Variants in CNR1 observed in about 807,000 individuals in gnomAD.
CNR1 encodes the protein cannabinoid receptor 1 (brain).
A neutral mutation model predicts 23.0 loss-of-function variants in CNR1; 10 were observed. The ratio of observed to expected loss-of-function variants is 0.43; its 90% CI spans 0.27 to 0.74. CNR1 has a LOEUF of 0.74. Ranked by LOEUF, CNR1 falls within the 30% of genes least tolerant of loss-of-function variation. The probability of loss-of-function intolerance (pLI) is 0.19; values close to 1 mark genes in which losing one functional copy is unlikely to be tolerated. For synonymous variants in CNR1, 271 were observed against 255.2 expected (o/e 1.06, Z -0.59); for missense variants, 422 against 618.8 (o/e 0.68, Z 3.37).
Position 88,143,758 on chromosome 6 carries a change from A to G in CNR1, c.*98T>C, listed in dbSNP as rs1386323608. The G allele has an allele frequency of 7.1e-6, 6 of 850,860 alleles. No individual in the cohort carries two copies. Among genetic ancestry groups the G allele is most frequent in the Non-Finnish European group, 1.1e-5 (6 of 534,290 alleles). 52.7% of individuals were successfully genotyped at this position (850,860 alleles called of 1,614,324 possible). A position where few individuals can be genotyped will look rare whatever the true frequency, so the allele number is the denominator to read the frequency against. ...CAATCACCTTTTCATTGAGCATGGT[A>G]AAGTTAAAAAAATATAACCAAGGAG... On this transcript the variant is annotated 3_prime_UTR_variant, in exon 2 of 2. Coordinates refer to ENST00000369501, the MANE Select transcript of CNR1 (RefSeq NM_016083.6).
intron 1 of CNR1, among the ~76,000 whole-genome samples, chr6:88,147,397 G>A (rs1327814448): frequency 6.6e-6 from 1 of 152,202 alleles, no homozygotes; most frequent in Non-Finnish European, 1.5e-5. Context: ...CATGGGGAGA[G>A]CTACAATTGG....
In CNR1 at chr6:88,145,277, C is replaced by A. The variant is rs1031320460; in HGVS notation, c.-3G>T. On this transcript the variant is annotated 5_prime_UTR_variant, in exon 2 of 2. Coordinates refer to ENST00000369501, the MANE Select transcript of CNR1 (RefSeq NM_016083.6). Reference sequence around the variant, plus strand: ...AGGCCATCTAGGATCGACTTCATAACCTCAGTCTTTGATTAGGCTGAGCTC... The same window carrying A: ...AGGCCATCTAGGATCGACTTCATAAACTCAGTCTTTGATTAGGCTGAGCTC... The A allele has an allele frequency of 6.2e-7, 1 of 1,601,752 alleles. No individual in the cohort carries two copies. Among genetic ancestry groups the A allele is most frequent in the East Asian group, 2.2e-5 (1 of 44,708 alleles).
chr6:88,166,853 T>C (rs1388147057), upstream of CNR1, among the ~76,000 whole-genome samples: 7 of 151,862 alleles, frequency 4.6e-5, no homozygotes. Flanking sequence ...GGGTGCGGTC[T>C]CGCGCCCCCT....
At chr6:88,147,328 G>A (rs905062484) in intron 1 of CNR1, among the ~76,000 whole-genome samples, 4 of 152,064 alleles carry the variant, frequency 2.6e-5, no homozygotes, top group East Asian at 1.9e-4. Context: ...GTCCTTGCCC[G>A]CATGAAGGAT....
rs1176346372 is a variant in CNR1 at position 88,143,255 on chromosome 6, A to G, written c.*601T>C. ...AAATAGAGATATTTGAAGAAATATT[A>G]AGGTTTATTTCTAAAGTTATATCAT... On this transcript the variant is annotated 3_prime_UTR_variant, in exon 2 of 2. Transcript: ENST00000369501. 1 of 152,682 alleles carries G rather than the reference A, an allele frequency of 6.5e-6. No homozygotes were observed. The highest frequency in any genetic ancestry group is 3.2e-3 in the Middle Eastern group (1 of 316). The allele number at this position is 152,682 out of a possible 1,614,324, so 9.5% of individuals were successfully genotyped here.
chr6:88,152,102 A>C (rs760062579), intron 1 of CNR1, among the ~76,000 whole-genome samples: 12 of 151,936 alleles, frequency 7.9e-5, no homozygotes, highest in Non-Finnish European at 1.8e-4. Flanking sequence ...GGATTCTTAG[A>C]AATGTGGGAG....
At chr6:88,160,107 C>T (rs913093932) in intron 1 of CNR1, among the ~76,000 whole-genome samples, 35 of 152,100 alleles carry the variant, frequency 2.3e-4, no homozygotes, top group African/African-American at 7.5e-4. Context: ...GCAGGCGGAT[C>T]ACTTGAGATC....
At chr6:88,146,337 C>T (rs1777183627) in intron 1 of CNR1, among the ~76,000 whole-genome samples, 1 of 152,158 alleles carries the variant, frequency 6.6e-6, no homozygotes, top group Non-Finnish European at 1.5e-5. Flanking sequence ...AACTCTTGAC[C>T]TCAGGTGATC....
At chr6:88,146,422 AC>A (rs1208170842) in intron 1 of CNR1, among the ~76,000 whole-genome samples, 6 of 152,112 alleles carry the variant, frequency 3.9e-5, no homozygotes, top group African/African-American at 1.4e-4. Context: ...GAGCTTTTTC[AC>A]AGCAGGGATA....
At chr6:88,160,056 G>A (rs557926482) in intron 1 of CNR1, among the ~76,000 whole-genome samples, 6 of 152,010 alleles carry the variant, frequency 3.9e-5, no homozygotes, top group East Asian at 3.9e-4. Context: ...GGCCAGGCAC[G>A]GTAGCACACG....
chr6:88,148,283 G>C (rs577896103), intron 1 of CNR1, among the ~76,000 whole-genome samples: 1 of 152,232 alleles, frequency 6.6e-6, no homozygotes, highest in South Asian at 2.1e-4. Flanking sequence ...TACCCAAACA[G>C]AGTTCTATCA....
intron 1 of CNR1, among the ~76,000 whole-genome samples, chr6:88,147,491 G>GGT (rs1375797431): frequency 1.3e-5 from 2 of 152,202 alleles, no homozygotes; most frequent in Non-Finnish European, 2.9e-5. Flanking sequence ...GCTAAGAATA[G>GGT]GTAGCATCAC....
At chr6:88,167,211 C>A (rs898566284), upstream of CNR1, among the ~76,000 whole-genome samples, 10 of 151,596 alleles carry the variant, frequency 6.6e-5, no homozygotes, top group African/African-American at 2.4e-5. Context: ...AGGAGGACGC[C>A]CCACTCCAGG....
intron 1 of CNR1, among the ~76,000 whole-genome samples, chr6:88,163,880 G>A (rs1349594696): frequency 6.6e-6 from 1 of 152,194 alleles, no homozygotes; most frequent in Non-Finnish European, 1.5e-5. Flanking sequence ...TCACAGGCAA[G>A]ACAGAGAGGA....
chr6:88,150,958 CT>C (rs1178578854), intron 1 of CNR1, among the ~76,000 whole-genome samples: 1 of 152,174 alleles, frequency 6.6e-6, no homozygotes, highest in African/African-American at 2.4e-5. Context: ...CTAACTTGGA[CT>C]TACTATGACA....
Position 88,142,253 on chromosome 6 carries a change from TTG to T in CNR1, c.*1601_*1602del, listed in dbSNP as rs1776864507. The T allele has an allele frequency of 6.6e-6, 1 of 152,374 alleles. No individual in the cohort carries two copies. Among genetic ancestry groups the T allele is most frequent in the South Asian group, 2.1e-4 (1 of 4,830 alleles). 9.4% of individuals were successfully genotyped at this position (152,374 alleles called of 1,614,324 possible). ...CAAGTGTATCGGTTCTTCACTGCCG[TTG>T]TGTGTCTCATCCACTGTCTGATTCA... is the stretch of plus-strand genomic sequence containing the variant. On this transcript the variant is annotated 3_prime_UTR_variant, in exon 2 of 2. Coordinates refer to ENST00000369501, the MANE Select transcript of CNR1 (RefSeq NM_016083.6).
In CNR1 at chr6:88,161,586, C is replaced by G. The variant is rs539374172; in HGVS notation, c.-64+4217G>C. 5.9e-5 allele frequency among the ~76,000 whole-genome samples: 9 copies of G among 152,224 alleles called. No individual in the cohort carries two copies. In the South Asian group the frequency reaches 1.2e-3, roughly 21 times the overall value. On this transcript the variant is annotated intron_variant, in intron 1 of 1. Transcript: ENST00000369501. ...AATATACTTTTTTTCATTATGGGGC[C>G]TTGTTAAATCAAGAAATATAATCCA...
rs78067614 is a variant in CNR1, at chr6:88,142,884, C to T, written c.*972G>A. Reference sequence around the variant, plus strand: ...CACCCAGGCATGAAATCTACTTAAACCTGGAATATAGGAACACAATACTAT... The same window carrying T: ...CACCCAGGCATGAAATCTACTTAAATCTGGAATATAGGAACACAATACTAT... On this transcript the variant is annotated 3_prime_UTR_variant, in exon 2 of 2. Transcript: ENST00000369501. 6.6e-6 allele frequency: 1 copy of T among 152,628 alleles called. No homozygotes were observed. The highest frequency in any genetic ancestry group is 1.5e-5 in the Non-Finnish European group (1 of 68,014). 9.5% of individuals were successfully genotyped at this position (152,628 alleles called of 1,614,324 possible).
In CNR1 at chr6:88,140,747, T is replaced by C. The variant is rs1776764346; in HGVS notation, c.*3109A>G. ...GTGGTTGGGCCTATTTCCTGCAGAGTGGATTTAGGCAGCAAAAGGTCCTTG... is the reference window on the plus strand; with the variant it reads ...GTGGTTGGGCCTATTTCCTGCAGAGCGGATTTAGGCAGCAAAAGGTCCTTG... On this transcript the variant is annotated 3_prime_UTR_variant, in exon 2 of 2. Coordinates refer to ENST00000369501, the MANE Select transcript of CNR1 (RefSeq NM_016083.6). 1 of 152,162 alleles carries C rather than the reference T, an allele frequency of 6.6e-6. No individual in the cohort carries two copies. Among genetic ancestry groups the C allele is most frequent in the African/African-American group, 2.4e-5 (1 of 41,374 alleles). 9.4% of individuals were successfully genotyped at this position (152,162 alleles called of 1,614,324 possible).
Sources: gnomAD v4.1 joint callset for allele counts (sites outside exome capture counted in the v4.1 genomes callset) on GRCh38, gnomAD v4.1.1 for gene constraint, MANE v1.5 for transcripts, NCBI Gene and HGNC (gene_info 2026-07-23, HGNC 2026-07-21) for gene names.